Variants in SETD2 observed in about 807,000 individuals in gnomAD.
SETD2 encodes SET domain containing 2, histone lysine methyltransferase.
Under a neutral mutation model 242.1 loss-of-function variants are expected in SETD2, and 31 were observed. The ratio of observed to expected loss-of-function variants is 0.13; its 90% confidence interval spans 0.10 to 0.17. SETD2 has a LOEUF of 0.17. Ranked by LOEUF, SETD2 falls within the 10% of genes least tolerant of loss-of-function variation. The probability of loss-of-function intolerance (pLI) is 1.00; values close to 1 mark genes in which losing one functional copy is unlikely to be tolerated. For synonymous variants in SETD2, 1,006 were observed against 1,066.5 expected, an observed-to-expected ratio of 0.94 and a Z score of 1.11; for missense variants, 2,481 against 3,046.3, an observed-to-expected ratio of 0.81 and a Z score of 4.37.
At chr3:47,020,848 T>C (rs980522553) in intron 18 of SETD2, among the ~76,000 whole-genome samples, 4 of 152,186 alleles carry the variant, frequency 2.6e-5, no homozygotes, top group African/African-American at 9.7e-5. Context: ...ATAAACAGTA[T>C]GAAGGCTCTG....
chr3:47,125,500 A>C (rs192794610), intron 2 of SETD2, among the ~76,000 whole-genome samples: 9 of 152,236 alleles, frequency 5.9e-5, no homozygotes, highest in Admixed American at 5.9e-4. Context: ...TTACATAGGC[A>C]ATTCTAATCA....
intron 10 of SETD2, among the ~76,000 whole-genome samples, chr3:47,086,846 C>CA (rs1559704878): frequency 6.6e-6 from 1 of 151,340 alleles, no homozygotes; most frequent in African/African-American, 2.4e-5. Context: ...CCAGCCTGGG[C>CA]AAAATAGCAA....
chr3:47,050,723 C>CTTTT lies in SETD2; in HGVS notation c.6964-4106_6964-4103dup, dbSNP rs775259096. On this transcript the variant is annotated intron_variant, in intron 15 of 20. Coordinates refer to ENST00000409792, the MANE Select transcript of SETD2 (RefSeq NM_014159.7). ...CTCAACCTGTATACATTTCCTCTCT[C>CTTTT]TTTTTTTTTTTTTTTTTTTTTTTTT... Among the ~76,000 whole-genome samples, 391 of 66,858 alleles carry CTTTT rather than the reference C, an allele frequency of 5.8e-3. 87 individuals are homozygous for CTTTT. The highest frequency in any genetic ancestry group is 0.021 in the African/African-American group (330 of 15,870). 43.9% of individuals were successfully genotyped at this position (66,858 alleles called of 152,430 possible).
chr3:47,036,491 G>A (rs1394855586), intron 18 of SETD2, among the ~76,000 whole-genome samples: 1 of 152,030 alleles, frequency 6.6e-6, no homozygotes, highest in Non-Finnish European at 1.5e-5. Flanking sequence ...GGAGGCAGAG[G>A]TTGCAGTGAG....
At chr3:47,068,242 C>T (rs2040649016) in intron 12 of SETD2, among the ~76,000 whole-genome samples, 1 of 152,192 alleles carries the variant, frequency 6.6e-6, no homozygotes, top group Admixed American at 6.5e-5. Flanking sequence ...ACAATTGTTG[C>T]TTCTCACAAT....
At chr3:47,078,733 T>G (rs2041204352) in intron 12 of SETD2, among the ~76,000 whole-genome samples, 1 of 147,818 alleles carries the variant, frequency 6.8e-6, no homozygotes, top group South Asian at 2.1e-4. Context: ...TGTTGTTGTT[T>G]TGTTTTGTTT....
intron 12 of SETD2, among the ~76,000 whole-genome samples, chr3:47,075,169 G>A (rs2041002599): frequency 6.6e-6 from 1 of 151,222 alleles, no homozygotes; most frequent in Admixed American, 6.6e-5. Context: ...CAGTATTAAA[G>A]GAAAAAAAGA....
chr3:47,148,547 T>C (rs552722801), intron 1 of SETD2, among the ~76,000 whole-genome samples: 1 of 152,314 alleles, frequency 6.6e-6, no homozygotes, highest in East Asian at 1.9e-4. Context: ...TATTCTCCAA[T>C]TTTTTATACC....
In SETD2 at chr3:47,123,014, C is replaced by G. The variant is rs144677816; in HGVS notation, c.1622G>C (p.Arg541Pro). 6.2e-7 allele frequency: 1 copy of G among 1,614,002 alleles called. No homozygotes were observed. Among genetic ancestry groups the G allele is most frequent in the Non-Finnish European group, 8.5e-7 (1 of 1,179,880 alleles). Residue 541 changes from arginine to proline, a missense_variant, in exon 3 of 21, where the codon CGA becomes CCA. By Grantham distance (103) the Arg-to-Pro change is moderately radical (BLOSUM62 -2). Around this residue, in one of 17 missense-constraint regions of SETD2, gnomAD observed 1,300 missense variants for 1,259.2 expected, o/e 1.03. Coordinates refer to ENST00000409792, the MANE Select transcript of SETD2 (RefSeq NM_014159.7). ...GTCATGCTTAGAATATGATGACCCTCGTCGGAATCCCAGTTCATTAGGGGG... is the reference window on the plus strand; with the variant it reads ...GTCATGCTTAGAATATGATGACCCTGGTCGGAATCCCAGTTCATTAGGGGG... ...CSPPNELGFRRGSSYSKHDSS... is the reference protein window; with the variant it reads ...CSPPNELGFRPGSSYSKHDSS...
rs2106717369 is a variant in SETD2, at chr3:47,123,999, C to A, written c.637G>T (p.Ala213Ser). Residue 213 changes from alanine to serine, a missense_variant, in exon 3 of 21, where the codon GCC becomes TCC. This residue lies in a region of SETD2 where 334 missense variants were observed against 374.5 expected (regional missense o/e 0.89). Coordinates refer to ENST00000409792, the MANE Select transcript of SETD2 (RefSeq NM_014159.7). ...ACTGTTATTGGTGTATGTGGCAAGG[C>A]CACTGGCTCTGTTACTGGTGCTGGT... is the stretch of plus-strand genomic sequence containing the variant. Reference protein sequence around the residue: ...SSPAPVTEPVALPHTPITVLM... With the variant: ...SSPAPVTEPVSLPHTPITVLM... 6.4e-7 allele frequency: 1 copy of A among 1,552,266 alleles called. No individual in the cohort carries two copies. The highest frequency in any genetic ancestry group is 8.7e-7 in the Non-Finnish European group (1 of 1,147,096).
At chr3:47,105,945 T>G (rs568429892) in intron 6 of SETD2, 52 bp downstream of exon 6, 2 of 1,467,168 alleles carry the variant, frequency 1.4e-6, no homozygotes, top group Admixed American at 3.9e-5. Flanking sequence ...TATCAATGGC[T>G]CCTTCAAACC....
At chr3:47,163,798 C>T (rs1049227090) in intron 1 of SETD2, 56 bp downstream of exon 1, 23 of 1,241,040 alleles carry the variant, frequency 1.9e-5, no homozygotes, top group Middle Eastern at 4.5e-4. Context: ...ACGCGCCGCC[C>T]TCGGCTGGGG....
At position 47,083,863 on chromosome 3, in the gene SETD2, GTTC is replaced by G; in HGVS notation, c.5914_5916del (p.Glu1972del). The G allele has an allele frequency of 1.2e-6, 2 of 1,614,100 alleles. No individual in the cohort carries two copies. The highest frequency in any genetic ancestry group is 1.3e-5 in the African/African-American group (1 of 75,020). On this transcript the variant is annotated inframe_deletion, in exon 12 of 21. Coordinates refer to ENST00000409792, the MANE Select transcript of SETD2 (RefSeq NM_014159.7). ...TGGGATGGTGTTTCTTCATTAATAG[GTTC>G]TTCTAGTTTTGTGCCGTTGCTCTCT...
chr3:47,122,039 T>C lies in SETD2; in HGVS notation c.2597A>G (p.His866Arg), dbSNP rs774577710. 2 of 1,613,778 alleles carry C rather than the reference T, an allele frequency of 1.2e-6. No individual in the cohort carries two copies. The highest frequency in any genetic ancestry group is 2.7e-5 in the African/African-American group (2 of 74,930). The change falls in exon 3 of 21, where the codon CAT becomes CGT. Residue 866 changes from histidine to arginine, a missense_variant. His to Arg is a conservative substitution (Grantham distance 29). Coordinates refer to ENST00000409792, the MANE Select transcript of SETD2 (RefSeq NM_014159.7). ...AATAGGTTGATATAAATCATCAAAA[T>C]GATTAACAGAAGCTGAACTAGTGCT... ...IGSTSSASVN[H>R]FDDLYQPIGS... is the part of the protein sequence containing the mutation.
intron 15 of SETD2, among the ~76,000 whole-genome samples, chr3:47,048,499 G>A (rs1471962960): frequency 1.3e-5 from 2 of 152,028 alleles, no homozygotes; most frequent in East Asian, 3.9e-4. Flanking sequence ...GAATATGAAG[G>A]CCTAGGACAT....
chr3:47,029,950 G>GT (rs1338847022), intron 18 of SETD2, among the ~76,000 whole-genome samples: 1 of 152,100 alleles, frequency 6.6e-6, no homozygotes, highest in Non-Finnish European at 1.5e-5. Flanking sequence ...GAGGTCAGGA[G>GT]TTTGAGACCA....
chr3:47,082,030 G>A lies in SETD2; in HGVS notation c.6060+1690C>T, dbSNP rs2041336679. 2.0e-5 allele frequency among the ~76,000 whole-genome samples: 3 copies of A among 152,150 alleles called. No homozygotes were observed. The South Asian group carries it at 6.2e-4, about 31-fold the overall frequency. On this transcript the variant is annotated intron_variant, in intron 12 of 20. Transcript: ENST00000409792. ...TTTCAGATAGGAGTGGGGAAGATAAGAAGAAGGGGAAGAAATAATTTTGTA... is the reference window on the plus strand; with the variant it reads ...TTTCAGATAGGAGTGGGGAAGATAAAAAGAAGGGGAAGAAATAATTTTGTA...
At position 47,131,409 on chromosome 3, in the gene SETD2, T is replaced by C. The variant is rs536039386; in HGVS notation, c.72-4746A>G. Among the ~76,000 whole-genome samples, 3 of 152,184 alleles carry C rather than the reference T, an allele frequency of 2.0e-5. No homozygotes were observed. The South Asian group carries it at 6.2e-4, about 32-fold the overall frequency. ...CCCAGGCTGGAGTGCAGTGGCGCGA[T>C]CTCAGCTCACTGCAAGCTCCGCCTC... On this transcript the variant is annotated intron_variant, in intron 1 of 20. Transcript: ENST00000409792.
intron 12 of SETD2, among the ~76,000 whole-genome samples, chr3:47,071,473 T>C (rs1226187449): frequency 1.3e-5 from 2 of 152,274 alleles, no homozygotes; most frequent in South Asian, 2.1e-4. Flanking sequence ...AAATACTGCA[T>C]ATACCCTACG....
Sources: allele counts gnomAD v4.1 joint callset (sites outside exome capture counted in the v4.1 genomes callset), GRCh38; gene constraint gnomAD v4.1.1; regional missense constraint gnomAD v4.1.1; transcripts MANE v1.5; gene names NCBI Gene and HGNC (gene_info 2026-07-23, HGNC 2026-07-21).